The following CCDC178 variants were observed in gnomAD, a reference collection of about 807,000 sequenced individuals.
The protein encoded by CCDC178 is coiled-coil domain containing 178.
CCDC178 carries 126 observed loss-of-function variants against 117.4 expected under a neutral mutation model. The observed-to-expected ratio is 1.07, with a 90% CI of 0.93 to 1.24. CCDC178 has a LOEUF of 1.24. Among genes scored for constraint, CCDC178 ranks in the 50% most tolerant of loss-of-function variants. CCDC178 has a pLI of 0.00. For synonymous variants in CCDC178, 283 were observed against 313.4 expected (o/e 0.90, Z 1.02); for missense variants, 1,030 against 986.9 (o/e 1.04, Z -0.59).
At position 33,370,031 on chromosome 18, in the gene CCDC178, T is replaced by C. The variant is rs769978993; in HGVS notation, c.348+19A>G. On this transcript the variant is annotated intron_variant, in intron 6 of 22. Coordinates refer to ENST00000383096, the MANE Select transcript of CCDC178 (RefSeq NM_001105528.4). ...GATAAAGCTTACCAAAATATCAGCA[T>C]TTTAAATTAGTCTCTTACCCTTTTC... The C allele has an allele frequency of 6.5e-7, 1 of 1,528,418 alleles. No individual in the cohort carries two copies. The allele number at this position is 1,528,418 out of a possible 1,614,324, so 94.7% of individuals were successfully genotyped here.
chr18:33,045,795 G>T (rs915056615), intron 21 of CCDC178, among the ~76,000 whole-genome samples: 2 of 152,170 alleles, frequency 1.3e-5, no homozygotes, highest in African/African-American at 4.8e-5. Context: ...GGCTGGGCAC[G>T]GTGACTGGTG....
At chr18:33,047,775 A>G (rs1377574679) in intron 21 of CCDC178, among the ~76,000 whole-genome samples, 1 of 152,130 alleles carries the variant, frequency 6.6e-6, no homozygotes, top group East Asian at 1.9e-4. Flanking sequence ...GGTTTTGCCA[A>G]TTTTCAGTAT....
At chr18:32,970,403 A>G (rs2054901530) in intron 22 of CCDC178, among the ~76,000 whole-genome samples, 1 of 151,950 alleles carries the variant, frequency 6.6e-6, no homozygotes, top group Non-Finnish European at 1.5e-5. Flanking sequence ...ACCTTCATCA[A>G]ATGATTTTTG....
chr18:32,946,806 G>A (rs565835315), intron 22 of CCDC178, among the ~76,000 whole-genome samples: 1 of 146,526 alleles, frequency 6.8e-6, no homozygotes, highest in East Asian at 2.0e-4. Flanking sequence ...TTGAGACAGA[G>A]TCTCGCTCTG....
At chr18:33,395,023 T>A (rs569423844) in intron 4 of CCDC178, among the ~76,000 whole-genome samples, 2 of 132,998 alleles carry the variant, frequency 1.5e-5, no homozygotes, top group East Asian at 4.4e-4. Context: ...TACAAACTAC[T>A]AGGACAAAAT....
chr18:33,316,630 T>C (rs1451167539), intron 11 of CCDC178, among the ~76,000 whole-genome samples: 1 of 152,084 alleles, frequency 6.6e-6, no homozygotes, highest in Non-Finnish European at 1.5e-5. Flanking sequence ...CTGAGTCTAG[T>C]GGGGACTTAG....
chr18:33,320,663 C>T lies in CCDC178; in HGVS notation c.1022+2828G>A, dbSNP rs549636586. Among the ~76,000 whole-genome samples the T allele has an allele frequency of 3.3e-5, 5 of 152,266 alleles. No homozygotes were observed. In the East Asian group the frequency reaches 9.6e-4, roughly 29 times the overall value. ...AATACTGTGAAAATGGCCATACTGC[C>T]CAAGGTAATTGATAGATTCAATGCC... On this transcript the variant is annotated intron_variant, in intron 11 of 22. Coordinates refer to ENST00000383096, the MANE Select transcript of CCDC178 (RefSeq NM_001105528.4).
At chr18:33,181,574 T>C (rs1027719335) in intron 20 of CCDC178, among the ~76,000 whole-genome samples, 1 of 151,916 alleles carries the variant, frequency 6.6e-6, no homozygotes, top group African/African-American at 2.4e-5. Context: ...AAGTTGAGCG[T>C]TGAATTTAAT....
At chr18:33,086,372 T>TTA (rs1051387146) in intron 21 of CCDC178, among the ~76,000 whole-genome samples, 3 of 150,768 alleles carry the variant, frequency 2.0e-5, no homozygotes, top group African/African-American at 7.3e-5. Flanking sequence ...CTCTTATGTT[T>TTA]TATATATATG....
intron 20 of CCDC178, among the ~76,000 whole-genome samples, chr18:33,119,704 T>C (rs1278430638): frequency 6.6e-6 from 1 of 152,176 alleles, no homozygotes; most frequent in African/African-American, 2.4e-5. Flanking sequence ...CAAAGGATTA[T>C]CAATCATGCT....
At chr18:33,133,709 G>T (rs1007138102) in intron 20 of CCDC178, among the ~76,000 whole-genome samples, 1 of 151,840 alleles carries the variant, frequency 6.6e-6, no homozygotes, top group Non-Finnish European at 1.5e-5. Flanking sequence ...CATTTCACAG[G>T]ATCATTTTGC....
chr18:33,259,831 C>T (rs1156260221), intron 14 of CCDC178, among the ~76,000 whole-genome samples: 2 of 152,026 alleles, frequency 1.3e-5, no homozygotes, highest in African/African-American at 2.4e-5. Context: ...TAGAACCTAC[C>T]ATAATGTCTG....
rs1568059543 is a variant in CCDC178, at chr18:33,211,979, CT to C, written c.2154del (p.Asp719ThrfsTer19). The C allele has an allele frequency of 1.2e-6, 2 of 1,609,408 alleles. No individual in the cohort carries two copies. Among genetic ancestry groups the C allele is most frequent in the South Asian group, 1.1e-5 (1 of 90,752 alleles). On this transcript the variant is annotated frameshift_variant, in exon 20 of 23. Transcript: ENST00000383096. LOFTEE classifies it high-confidence loss of function. Reference sequence around the variant, plus strand: ...TCCTCAAAGATTCTCTCTTCACAGTCTTTTTTCTCTTGCATATAATGATCAA... The same window carrying C: ...TCCTCAAAGATTCTCTCTTCACAGTCTTTTTCTCTTGCATATAATGATCAA... The part of the protein sequence containing the change: ...TVFDHYMQEK[K>X]DCEERIFEED...
At chr18:33,231,753 A>C (rs924009001) in intron 15 of CCDC178, among the ~76,000 whole-genome samples, 13 of 152,254 alleles carry the variant, frequency 8.5e-5, no homozygotes, top group African/African-American at 3.1e-4. Flanking sequence ...CTCTGCCCAC[A>C]AACTCCATTC....
intron 21 of CCDC178, among the ~76,000 whole-genome samples, chr18:33,012,776 C>T (rs2055897564): frequency 6.6e-6 from 1 of 151,986 alleles, no homozygotes; most frequent in Non-Finnish European, 1.5e-5. Flanking sequence ...ATACAATTTC[C>T]CCATAATATT....
At chr18:33,013,427 C>G (rs906894355) in intron 21 of CCDC178, among the ~76,000 whole-genome samples, 1 of 152,038 alleles carries the variant, frequency 6.6e-6, no homozygotes, top group Non-Finnish European at 1.5e-5. Context: ...AATAAAAGTT[C>G]ATCAGTATTT....
At chr18:32,985,893 C>T (rs574659629) in intron 21 of CCDC178, among the ~76,000 whole-genome samples, 6 of 152,050 alleles carry the variant, frequency 3.9e-5, no homozygotes, top group African/African-American at 1.4e-4. Context: ...TTGATTGTCT[C>T]ATGCAAGGAA....
intron 21 of CCDC178, among the ~76,000 whole-genome samples, chr18:33,017,449 TA>T (rs1174163687): frequency 2.0e-5 from 3 of 151,876 alleles, no homozygotes; most frequent in Non-Finnish European, 4.4e-5. Context: ...GAAGGCCTAG[TA>T]AATGGAAAGA....
At chr18:33,023,913 G>C (rs536467743) in intron 21 of CCDC178, among the ~76,000 whole-genome samples, 3 of 152,220 alleles carry the variant, frequency 2.0e-5, no homozygotes, top group Non-Finnish European at 4.4e-5. Flanking sequence ...CAAGGGATAT[G>C]GTACTACTGA....
Sources: gnomAD v4.1 joint callset for allele counts (sites outside exome capture counted in the v4.1 genomes callset) on GRCh38, gnomAD v4.1.1 for gene constraint, MANE v1.5 for transcripts, NCBI Gene and HGNC (gene_info 2026-07-23, HGNC 2026-07-21) for gene names.